Variants in TPD52 observed in about 807,000 individuals in gnomAD.
TPD52 encodes the protein prostate and colon associated protein.
In TPD52, 17 loss-of-function variants were observed where a neutral mutation model predicts 31.3. The observed-to-expected ratio is 0.54, with a 90% CI of 0.37 to 0.82. The LOEUF (loss-of-function observed/expected upper bound fraction) is 0.82, where lower values mean the gene tolerates loss of function less well. TPD52 is among the 40% of genes least tolerant of loss of function. The pLI is 0.00. For missense variants in TPD52, 212 were observed against 240.1 expected, an observed-to-expected ratio of 0.88 and a Z score of 0.77; for synonymous variants, 83 against 89.6, an observed-to-expected ratio of 0.93 and a Z score of 0.42.
At chr8:80,096,643 T>C (rs971788488) in intron 1 of TPD52, among the ~76,000 whole-genome samples, 1 of 152,194 alleles carries the variant, frequency 6.6e-6, no homozygotes, top group Non-Finnish European at 1.5e-5. Flanking sequence ...ATATCTGTTA[T>C]GGTCATCTGT....
chr8:80,113,390 TA>T (rs1335270872), intron 1 of TPD52, among the ~76,000 whole-genome samples: 1 of 152,002 alleles, frequency 6.6e-6, no homozygotes, highest in Admixed American at 6.6e-5. Flanking sequence ...CTCAAAAAAC[TA>T]AAAATAGAAT....
chr8:80,086,737 G>A (rs1289053192), intron 1 of TPD52, among the ~76,000 whole-genome samples: 5 of 151,764 alleles, frequency 3.3e-5, no homozygotes, highest in Non-Finnish European at 7.4e-5. Context: ...AGCTGGTTGG[G>A]GGGGCACGTG....
At chr8:80,123,894 T>C (rs1808424774) in intron 1 of TPD52, among the ~76,000 whole-genome samples, 3 of 152,098 alleles carry the variant, frequency 2.0e-5, no homozygotes, top group Non-Finnish European at 4.4e-5. Flanking sequence ...AGAAAAGGAA[T>C]GGACAACAGC....
chr8:80,073,559 C>T (rs898825305), intron 1 of TPD52, among the ~76,000 whole-genome samples: 3 of 152,236 alleles, frequency 2.0e-5, no homozygotes, highest in African/African-American at 7.2e-5. Flanking sequence ...ATGCTCCAAT[C>T]CTGTGTCTTT....
intron 1 of TPD52, among the ~76,000 whole-genome samples, chr8:80,125,432 A>G (rs1808536969): frequency 6.6e-6 from 1 of 152,124 alleles, no homozygotes; most frequent in Admixed American, 6.5e-5. Flanking sequence ...AAACAAACAA[A>G]CAAACAAACA....
chr8:80,165,542 C>T (rs1032226586), intron 1 of TPD52, among the ~76,000 whole-genome samples: 10 of 152,308 alleles, frequency 6.6e-5, no homozygotes, highest in Non-Finnish European at 1.0e-4. Flanking sequence ...AACCTCCTCT[C>T]TTTTTCCTGA....
At chr8:80,111,750 C>A (rs975249025) in intron 1 of TPD52, among the ~76,000 whole-genome samples, 2 of 152,132 alleles carry the variant, frequency 1.3e-5, no homozygotes, top group Admixed American at 6.5e-5. Flanking sequence ...GTAGAAGGAA[C>A]AAGTACTCTT....
At chr8:80,122,462 A>G (rs1309848371) in intron 1 of TPD52, among the ~76,000 whole-genome samples, 3 of 152,222 alleles carry the variant, frequency 2.0e-5, no homozygotes, top group Non-Finnish European at 4.4e-5. Flanking sequence ...TATGATAATC[A>G]GCTCATTAAA....
At chr8:80,073,717 C>T (rs1161309737) in intron 1 of TPD52, among the ~76,000 whole-genome samples, 2 of 152,184 alleles carry the variant, frequency 1.3e-5, no homozygotes, top group African/African-American at 2.4e-5. Context: ...CCTTTTATCT[C>T]GAGCTTTTTA....
chr8:80,054,352 G>C (rs550145550), intron 2 of TPD52, among the ~76,000 whole-genome samples: 2 of 152,230 alleles, frequency 1.3e-5, no homozygotes, highest in South Asian at 4.1e-4. Context: ...GGACAGAGTA[G>C]AACAAAAGGC....
chr8:80,076,544 A>G (rs953492617), intron 1 of TPD52, among the ~76,000 whole-genome samples: 4 of 150,010 alleles, frequency 2.7e-5, no homozygotes, highest in East Asian at 1.9e-4. Context: ...AAAAAAAGGG[A>G]AAAAAAATCA....
In TPD52 at chr8:80,034,832, T is replaced by C. The variant is rs1405817653; in HGVS notation, c.*3284A>G. The C allele has an allele frequency of 6.6e-6, 1 of 152,092 alleles. No homozygotes were observed. Among genetic ancestry groups the C allele is most frequent in the Non-Finnish European group, 1.5e-5 (1 of 68,018 alleles). The allele number at this position is 152,092 out of a possible 1,614,324, so 9.4% of individuals were successfully genotyped here. Reference sequence around the variant, plus strand: ...TAATAAAATAAACTACCAACCAACCTCAGTAACATCAAAATTACATGAGAG... The same window carrying C: ...TAATAAAATAAACTACCAACCAACCCCAGTAACATCAAAATTACATGAGAG... On this transcript the variant is annotated 3_prime_UTR_variant, in exon 8 of 8. Coordinates refer to ENST00000518937, the MANE Select transcript of TPD52 (RefSeq NM_001025253.3).
chr8:80,104,152 C>T (rs1806935971), intron 1 of TPD52, among the ~76,000 whole-genome samples: 1 of 151,712 alleles, frequency 6.6e-6, no homozygotes, highest in Non-Finnish European at 1.5e-5. Flanking sequence ...CTAGAGCTGT[C>T]CAGCCACCAT....
intron 5 of TPD52, among the ~76,000 whole-genome samples, chr8:80,046,132 T>C (rs1239145087): frequency 6.6e-6 from 1 of 152,118 alleles, no homozygotes; most frequent in Non-Finnish European, 1.5e-5. Context: ...ACCTACTAAA[T>C]ATGTTTCAGT....
chr8:80,065,697 C>T (rs1477407637), intron 1 of TPD52, among the ~76,000 whole-genome samples: 2 of 152,146 alleles, frequency 1.3e-5, no homozygotes, highest in East Asian at 1.9e-4. Context: ...ATTGCTGATA[C>T]TTTGTCTCAA....
intron 5 of TPD52, 90 bp from the exon 6 acceptor site, chr8:80,044,298 G>C (rs1373475757): frequency 9.7e-7 from 1 of 1,035,540 alleles, no homozygotes; most frequent in Non-Finnish European, 1.4e-6. Context: ...AGCTCCCCAG[G>C]AGCTTTATTC....
At chr8:80,060,759 C>G (rs892087248) in intron 2 of TPD52, among the ~76,000 whole-genome samples, 2 of 148,922 alleles carry the variant, frequency 1.3e-5, no homozygotes, top group Non-Finnish European at 2.9e-5. Context: ...TCATAAAAAT[C>G]CAATACTCTT....
intron 1 of TPD52, among the ~76,000 whole-genome samples, chr8:80,100,665 G>A (rs1244186809): frequency 6.6e-6 from 1 of 152,192 alleles, no homozygotes; most frequent in Non-Finnish European, 1.5e-5. Context: ...CTAAGTAAGA[G>A]GTCCCAAGAC....
intron 5 of TPD52, among the ~76,000 whole-genome samples, chr8:80,048,207 T>G (rs547628521): frequency 6.6e-6 from 1 of 151,932 alleles, no homozygotes; most frequent in African/African-American, 2.4e-5. Flanking sequence ...CAAGAGCAGC[T>G]CTCTCTCTCT....
Sources: allele counts gnomAD v4.1 joint callset (sites outside exome capture counted in the v4.1 genomes callset), GRCh38; gene constraint gnomAD v4.1.1; transcripts MANE v1.5; gene names NCBI Gene and HGNC (gene_info 2026-07-23, HGNC 2026-07-21).